Variants in SNX3 observed in about 807,000 individuals in gnomAD.
The protein encoded by SNX3 is sorting nexin 3.
A neutral mutation model predicts 17.7 loss-of-function variants in SNX3; 5 were observed. That is an observed-to-expected ratio of 0.28 (90% CI 0.15 to 0.59). The LOEUF is 0.59. Ranked by LOEUF, SNX3 falls within the 20% of genes least tolerant of loss-of-function variation. The pLI is 0.88. For synonymous variants in SNX3, 91 were observed against 76.5 expected (o/e 1.19, Z -0.99); for missense variants, 132 against 206.8 (o/e 0.64, Z 2.22).
At chr6:108,237,722 G>C (rs1482692668) in intron 1 of SNX3, among the ~76,000 whole-genome samples, 7 of 151,444 alleles carry the variant, frequency 4.6e-5, no homozygotes, top group African/African-American at 1.7e-4. Flanking sequence ...CAGGGAGGCG[G>C]AGATTGCAGT....
intron 1 of SNX3, among the ~76,000 whole-genome samples, chr6:108,245,410 A>G (rs1284955843): frequency 6.6e-6 from 1 of 152,224 alleles, no homozygotes; most frequent in African/African-American, 2.4e-5. Context: ...TAGTGCTGCA[A>G]TAAACATACG....
chr6:108,238,053 G>C (rs1038474039), intron 1 of SNX3, among the ~76,000 whole-genome samples: 4 of 139,684 alleles, frequency 2.9e-5, no homozygotes, highest in African/African-American at 1.1e-4. Flanking sequence ...AGTAAGCTGA[G>C]ATGGCACCAC....
At position 108,260,916 on chromosome 6, in the gene SNX3, C is replaced by T. The variant is rs1320601684; in HGVS notation, c.6G>A (p.Ala2=). Residue 2 remains alanine (A), a synonymous_variant, in exon 1 of 4, where the codon GCG becomes GCA. Transcript: ENST00000230085. M[A]ETVADTRRLI... ...GCCGCCGGGTGTCAGCCACGGTCTC[C>T]GCCATTTCGCTGTAGCTGCTGCCGC... is the stretch of plus-strand genomic sequence containing the variant. The T allele has an allele frequency of 1.3e-6, 2 of 1,588,898 alleles. No homozygotes were observed. The highest frequency in any genetic ancestry group is 1.4e-5 in the African/African-American group (1 of 72,472).
In SNX3 at chr6:108,214,726, T is replaced by G. The variant is rs936420116; in HGVS notation, c.259-104A>C. On this transcript the variant is annotated intron_variant, in intron 2 of 3. Coordinates refer to ENST00000230085, the MANE Select transcript of SNX3 (RefSeq NM_003795.6). ...CATGTCCTCACTATGACAGCCATCG[T>G]CCGGTCAAACTAGTTGAAATATAAA... 4 of 1,253,010 alleles carry G rather than the reference T, an allele frequency of 3.2e-6. No individual in the cohort carries two copies. In the East Asian group the frequency reaches 1.0e-4, roughly 31 times the overall value. The allele number at this position is 1,253,010 out of a possible 1,614,324, so 77.6% of individuals were successfully genotyped here.
At chr6:108,224,090 C>A (rs1562423150) in intron 1 of SNX3, among the ~76,000 whole-genome samples, 1 of 152,038 alleles carries the variant, frequency 6.6e-6, no homozygotes, top group East Asian at 1.9e-4. Flanking sequence ...TAGCAAAACC[C>A]TAACCTATGT....
intron 2 of SNX3, among the ~76,000 whole-genome samples, chr6:108,221,508 T>A (rs1774769627): frequency 6.7e-6 from 1 of 148,902 alleles, no homozygotes; most frequent in Non-Finnish European, 1.5e-5. Flanking sequence ...AGGAATACAG[T>A]ATTACAAGGA....
At chr6:108,259,037 CAAGA>C (rs1206551885) in intron 1 of SNX3, among the ~76,000 whole-genome samples, 1 of 150,986 alleles carries the variant, frequency 6.6e-6, no homozygotes, top group Non-Finnish European at 1.5e-5. Flanking sequence ...TGTTTTAGCA[CAAGA>C]AAGAAAAAAA....
intron 1 of SNX3, among the ~76,000 whole-genome samples, chr6:108,245,047 C>T (rs953898397): frequency 1.1e-4 from 17 of 152,030 alleles, no homozygotes; most frequent in African/African-American, 3.6e-4. Context: ...CACCTATCAA[C>T]CCGTCATCTA....
chr6:108,246,099 CTGAGT>C (rs1032858563), intron 1 of SNX3, among the ~76,000 whole-genome samples: 6 of 152,118 alleles, frequency 3.9e-5, no homozygotes, highest in Admixed American at 2.6e-4. Flanking sequence ...TTTAATCCAT[CTGAGT>C]TAATTTTTGC....
chr6:108,254,448 C>G (rs2114769933), intron 1 of SNX3, among the ~76,000 whole-genome samples: 1 of 152,310 alleles, frequency 6.6e-6, no homozygotes, highest in African/African-American at 2.4e-5. Flanking sequence ...GCTTGGGCAA[C>G]AGAGTGAGAC....
At chr6:108,218,201 G>A (rs1326102854) in intron 2 of SNX3, among the ~76,000 whole-genome samples, 3 of 152,110 alleles carry the variant, frequency 2.0e-5, no homozygotes, top group Non-Finnish European at 4.4e-5. Flanking sequence ...ATAATAAAAA[G>A]ATGAACCCAT....
intron 1 of SNX3, among the ~76,000 whole-genome samples, chr6:108,251,045 C>A (rs1223665179): frequency 6.6e-6 from 1 of 151,310 alleles, no homozygotes; most frequent in Non-Finnish European, 1.5e-5. Flanking sequence ...CTAAGTAAAA[C>A]CAAAATAGTT....
At chr6:108,244,851 T>C (rs1775635843) in intron 1 of SNX3, among the ~76,000 whole-genome samples, 1 of 151,718 alleles carries the variant, frequency 6.6e-6, no homozygotes. Context: ...ATGTTGCCAG[T>C]CTGGTCTCGA....
intron 1 of SNX3, among the ~76,000 whole-genome samples, chr6:108,240,571 T>C (rs911736029): frequency 1.3e-5 from 2 of 152,206 alleles, no homozygotes; most frequent in Non-Finnish European, 2.9e-5. Context: ...CCACCAGCTC[T>C]ATCAATGGTA....
chr6:108,250,353 C>G (rs1271108555), intron 1 of SNX3, among the ~76,000 whole-genome samples: 1 of 152,122 alleles, frequency 6.6e-6, no homozygotes, highest in Non-Finnish European at 1.5e-5. Flanking sequence ...CTCAGTTCTG[C>G]CCTTATAGAG....
At chr6:108,251,073 GA>G (rs919776408) in intron 1 of SNX3, among the ~76,000 whole-genome samples, 47 of 141,380 alleles carry the variant, frequency 3.3e-4, no homozygotes, top group Admixed American at 6.4e-4. Context: ...GCCTTGGAAG[GA>G]AAAAAAAAAA....
At chr6:108,236,782 A>G (rs1775358367) in intron 1 of SNX3, among the ~76,000 whole-genome samples, 2 of 152,220 alleles carry the variant, frequency 1.3e-5, no homozygotes, top group African/African-American at 4.8e-5. Context: ...TGAATGTTTA[A>G]TAAGTCTAAA....
chr6:108,235,676 A>T (rs938053141), intron 1 of SNX3, among the ~76,000 whole-genome samples: 1 of 152,170 alleles, frequency 6.6e-6, no homozygotes, highest in Non-Finnish European at 1.5e-5. Context: ...TGGGTGAATC[A>T]CTTGAGGTCA....
At chr6:108,214,231 C>T (rs545994490) in intron 3 of SNX3, among the ~76,000 whole-genome samples, 58 of 152,080 alleles carry the variant, frequency 3.8e-4, no homozygotes, top group African/African-American at 1.2e-3. Flanking sequence ...TTTTAAATGC[C>T]GTAATTTTAA....
Sources: allele counts gnomAD v4.1 joint callset (sites outside exome capture counted in the v4.1 genomes callset), GRCh38; gene constraint gnomAD v4.1.1; transcripts MANE v1.5; gene names NCBI Gene and HGNC (gene_info 2026-07-23, HGNC 2026-07-21).